The following WASHC5 variants were observed in gnomAD, a reference collection of about 807,000 sequenced individuals.
WASHC5 encodes the protein WASH complex subunit strumpellin.
A neutral mutation model predicts 150.4 loss-of-function variants in WASHC5; 101 were observed. The observed-to-expected ratio is 0.67, with a 90% CI of 0.57 to 0.79. The LOEUF is 0.79. Ranked by LOEUF, WASHC5 falls within the 30% of genes least tolerant of loss-of-function variation. WASHC5 has a pLI of 0.00. For synonymous variants in WASHC5, 467 were observed against 491.2 expected, an observed-to-expected ratio of 0.95 and a Z score of 0.65; for missense variants, 1,195 against 1,396.3, an observed-to-expected ratio of 0.86 and a Z score of 2.30.
At chr8:125,071,802 C>G (rs1357327720) in intron 9 of WASHC5, among the ~76,000 whole-genome samples, 2 of 152,180 alleles carry the variant, frequency 1.3e-5, no homozygotes, top group Non-Finnish European at 2.9e-5. Flanking sequence ...TCTCACCATC[C>G]CAGAAGTGAC....
chr8:125,032,501 G>T, intron 26 of WASHC5, 107 bp from the exon 27 acceptor site: 1 of 1,239,266 alleles, frequency 8.1e-7, no homozygotes, highest in Non-Finnish European at 1.2e-6. Flanking sequence ...TATTCTCGCT[G>T]GCAGATGATA....
At chr8:125,033,284 C>A (rs765997791) in intron 26 of WASHC5, among the ~76,000 whole-genome samples, 7 of 152,154 alleles carry the variant, frequency 4.6e-5, no homozygotes, top group Non-Finnish European at 5.9e-5. Context: ...ATCAATGGAA[C>A]AGAATAGAGT....
Position 125,079,102 on chromosome 8 carries a change from ATGTG to A in WASHC5, c.519-176_519-173del, listed in dbSNP as rs1225633373. On this transcript the variant is annotated intron_variant, in intron 5 of 28. Transcript: ENST00000318410. ...AAGATTCAAAATTATGTGTATATAT[ATGTG>A]TGTGTGTGTGTATATATATATATAT... Among the ~76,000 whole-genome samples, 265 of 88,602 alleles carry A rather than the reference ATGTG, an allele frequency of 3.0e-3. 5 individuals are homozygous for A. Among genetic ancestry groups the A allele is most frequent in the African/African-American group, 0.01 (221 of 21,510 alleles). The allele number at this position is 88,602 out of a possible 152,430, so 58.1% of individuals were successfully genotyped here.
intron 20 of WASHC5, among the ~76,000 whole-genome samples, chr8:125,046,791 G>A (rs1394479211): frequency 1.3e-5 from 2 of 152,180 alleles, no homozygotes; most frequent in South Asian, 4.2e-4. Flanking sequence ...ACAGGGGGGC[G>A]GGGGAGAGAT....
At chr8:125,024,744 G>T in intron 28 of WASHC5, 71 bp from the exon 29 acceptor site, 2 of 1,033,742 alleles carry the variant, frequency 1.9e-6, no homozygotes, top group South Asian at 2.6e-5. Flanking sequence ...ATACGTAAAA[G>T]AAAAGATATC....
intron 3 of WASHC5, 58 bp from the exon 4 acceptor site, chr8:125,082,525 AAAG>A: frequency 1.0e-6 from 1 of 997,348 alleles, no homozygotes; most frequent in South Asian, 1.4e-5. Context: ...TAACATCTTT[AAAG>A]AAGGAAAGAT....
intron 10 of WASHC5, among the ~76,000 whole-genome samples, chr8:125,064,606 G>A (rs1369095815): frequency 6.6e-6 from 1 of 151,046 alleles, no homozygotes; most frequent in Admixed American, 6.6e-5. Flanking sequence ...ACTCAGGGTT[G>A]GGTTTTTTTT....
At position 125,059,219 on chromosome 8, in the gene WASHC5, T is replaced by G; in HGVS notation, c.1764+3A>C. The G allele has an allele frequency of 6.2e-7, 1 of 1,609,766 alleles. No homozygotes were observed. The highest frequency in any genetic ancestry group is 8.5e-7 in the Non-Finnish European group (1 of 1,176,006). ...ACAGAGAATCTCACTGTTTTTTGCT[T>G]ACCTTTAGGAAGGTAGCTCTGAGTT... On this transcript the variant is annotated splice_donor_region_variant and intron_variant, in intron 14 of 28. Coordinates refer to ENST00000318410, the MANE Select transcript of WASHC5 (RefSeq NM_014846.4).
intron 26 of WASHC5, 197 bp from the exon 27 acceptor site, chr8:125,032,591 T>G (rs1051679401): frequency 1.6e-6 from 1 of 630,098 alleles, no homozygotes; most frequent in Non-Finnish European, 2.8e-6. Context: ...TCTGAAGGAT[T>G]CAAAACCAAT....
intron 20 of WASHC5, 176 bp from the exon 21 acceptor site, chr8:125,044,874 C>G (rs1331848342): frequency 4.3e-6 from 3 of 694,346 alleles, no homozygotes; most frequent in Non-Finnish European, 7.7e-6. Flanking sequence ...CCCAATGGAA[C>G]AGGAAGGTAA....
chr8:125,081,477 A>C (rs1328552835), intron 5 of WASHC5, among the ~76,000 whole-genome samples, 184 bp downstream of exon 5: 1 of 152,166 alleles, frequency 6.6e-6, no homozygotes, highest in Non-Finnish European at 1.5e-5. Context: ...ACCTCAGATG[A>C]TCTGCCTGCC....
chr8:125,091,280 T>C (rs1285847372), intron 1 of WASHC5, among the ~76,000 whole-genome samples: 1 of 152,144 alleles, frequency 6.6e-6, no homozygotes, highest in Non-Finnish European at 1.5e-5. Flanking sequence ...GTAAAAGTCC[T>C]CACTACTAGC....
At chr8:125,087,177 T>C (rs1563639474) in intron 1 of WASHC5, among the ~76,000 whole-genome samples, 1 of 152,256 alleles carries the variant, frequency 6.6e-6, no homozygotes, top group East Asian at 1.9e-4. Flanking sequence ...GATGCTGTTA[T>C]TGTGATATTT....
At chr8:125,062,204 C>A (rs1273542194) in intron 11 of WASHC5, among the ~76,000 whole-genome samples, 1 of 152,144 alleles carries the variant, frequency 6.6e-6, no homozygotes, top group Non-Finnish European at 1.5e-5. Context: ...GACCCAGGCT[C>A]TCCACCTTTG....
chr8:125,050,992 C>T (rs951760632), intron 17 of WASHC5, among the ~76,000 whole-genome samples: 5 of 152,080 alleles, frequency 3.3e-5, no homozygotes, highest in Admixed American at 2.0e-4. Context: ...TTTAAATGGC[C>T]TCACATTCTC....
At position 125,076,410 on chromosome 8, in the gene WASHC5, T is replaced by C. The variant is rs968665831; in HGVS notation, c.802A>G (p.Ile268Val). 2.5e-6 allele frequency: 4 copies of C among 1,613,944 alleles called. No homozygotes were observed. The highest frequency in any genetic ancestry group is 1.3e-5 in the African/African-American group (1 of 74,918). ...LYVILYFEPSILHTHQAKMRE... is the reference protein window; with the variant it reads ...LYVILYFEPSVLHTHQAKMRE... ...ATTTTTGCTTGATGGGTGTGAAGGA[T>C]GGAAGGCTCAAAGTAGAGAATCACG... The change falls in exon 7 of 29, where the codon ATC (isoleucine) becomes GTC (valine). Residue 268 changes from isoleucine (I) to valine (V), a missense_variant. This residue lies in a region of WASHC5 where 997 missense variants were observed against 1,168.1 expected (regional missense o/e 0.85). Transcript: ENST00000318410.
rs777177525 is a variant in WASHC5 at position 125,032,324 on chromosome 8, C to T, written c.3252G>A (p.Leu1084=). 1.2e-6 allele frequency: 2 copies of T among 1,614,206 alleles called. No individual in the cohort carries two copies. The highest frequency in any genetic ancestry group is 4.5e-5 in the East Asian group (2 of 44,860). The part of the protein sequence containing the change: ...PPLVLGLLTL[L]KQFHSRYTEQ... The stretch of plus-strand genomic sequence containing the variant: ...CGGTGTACCGGGAATGGAACTGCTT[C>T]AGCAGAGTGAGCAGTCCCAGGACAA... Residue 1084 remains leucine (L), a synonymous_variant, in exon 27 of 29, where the codon CTG becomes CTA. Coordinates refer to ENST00000318410, the MANE Select transcript of WASHC5 (RefSeq NM_014846.4).
chr8:125,076,502 T>C lies in WASHC5; in HGVS notation c.712-2A>G, dbSNP rs1431388323. On this transcript the variant is annotated splice_acceptor_variant, in intron 6 of 28. Transcript: ENST00000318410. LOFTEE classifies it high-confidence loss of function. The stretch of plus-strand genomic sequence containing the variant: ...CTCCGGCAAAGGATACGCTGAGACC[T>C]GCAATGTCAAGACGACACCCCGAGA... 6.2e-7 allele frequency: 1 copy of C among 1,613,828 alleles called. No homozygotes were observed. The highest frequency in any genetic ancestry group is 1.1e-5 in the South Asian group (1 of 91,066).
Position 125,076,264 on chromosome 8 carries a change from C to A in WASHC5, c.864+84G>T, listed in dbSNP as rs540567359. 11 of 1,271,328 alleles carry A rather than the reference C, an allele frequency of 8.7e-6. No individual in the cohort carries two copies. The Admixed American group carries it at 1.9e-4, about 21-fold the overall frequency. 78.8% of individuals were successfully genotyped at this position (1,271,328 alleles called of 1,614,324 possible). On this transcript the variant is annotated intron_variant, in intron 7 of 28. Coordinates refer to ENST00000318410, the MANE Select transcript of WASHC5 (RefSeq NM_014846.4). ...TTATGTCCCATTATTTACAACATTA[C>A]AACCTGTGGGTTAAAGGCCAAAAGA...
Sources: allele counts gnomAD v4.1 joint callset (sites outside exome capture counted in the v4.1 genomes callset), GRCh38; gene constraint gnomAD v4.1.1; regional missense constraint gnomAD v4.1.1; transcripts MANE v1.5; gene names NCBI Gene and HGNC (gene_info 2026-07-23, HGNC 2026-07-21).